TNKS: variants seen among roughly 807,000 people sequenced by gnomAD.
TNKS encodes poly [ADP-ribose] polymerase tankyrase-1.
Under a neutral mutation model 135.8 loss-of-function variants are expected in TNKS, and 72 were observed. The ratio of observed to expected loss-of-function variants is 0.53; its 90% CI spans 0.44 to 0.64. The LOEUF is 0.64. Among genes scored for constraint, TNKS ranks in the 30% least tolerant of loss-of-function variants. TNKS has a pLI of 0.00. For synonymous variants in TNKS, 849 were observed against 649.3 expected (o/e 1.31, Z -4.68); for missense variants, 1,769 against 1,674.0 (o/e 1.06, Z -0.99).
intron 17 of TNKS, among the ~76,000 whole-genome samples, chr8:9,741,973 C>T (rs1334897761): frequency 1.3e-5 from 2 of 152,054 alleles, no homozygotes; most frequent in East Asian, 3.8e-4. Flanking sequence ...TTTATGGTAT[C>T]CTCTTTTTAT....
At chr8:9,740,675 A>G (rs1805896105) in intron 17 of TNKS, among the ~76,000 whole-genome samples, 1 of 152,176 alleles carries the variant, frequency 6.6e-6, no homozygotes, top group African/African-American at 2.4e-5. Flanking sequence ...TCTAAAGATG[A>G]GTAGTCTTTT....
At chr8:9,761,315 T>C (rs1585430915) in intron 20 of TNKS, among the ~76,000 whole-genome samples, 1 of 152,078 alleles carries the variant, frequency 6.6e-6, no homozygotes, top group African/African-American at 2.4e-5. Flanking sequence ...AAAAAGCAAA[T>C]CAAAGAGTAC....
At chr8:9,583,164 C>G (rs950637407) in intron 2 of TNKS, among the ~76,000 whole-genome samples, 2 of 71,720 alleles carry the variant, frequency 2.8e-5, no homozygotes, top group Admixed American at 2.5e-4. Context: ...GACTCTGTCT[C>G]AAAAAAAAAA....
intron 2 of TNKS, among the ~76,000 whole-genome samples, chr8:9,582,085 A>T (rs769626808): frequency 5.3e-5 from 8 of 152,200 alleles, no homozygotes; most frequent in Non-Finnish European, 8.8e-5. Flanking sequence ...GTTGCTATTA[A>T]AGTATGTATC....
At chr8:9,611,390 C>G (rs553198776) in intron 2 of TNKS, among the ~76,000 whole-genome samples, 2 of 152,148 alleles carry the variant, frequency 1.3e-5, no homozygotes, top group East Asian at 3.8e-4. Context: ...ATTTTGGGAA[C>G]TTTGCTTCAG....
intron 2 of TNKS, among the ~76,000 whole-genome samples, chr8:9,595,087 A>G (rs971441913): frequency 3.3e-5 from 5 of 150,112 alleles, no homozygotes; most frequent in African/African-American, 1.2e-4. Flanking sequence ...TCCCTTCTGC[A>G]TTTTTACCAT....
At chr8:9,653,111 G>A (rs145179432) in intron 3 of TNKS, among the ~76,000 whole-genome samples, 2 of 152,182 alleles carry the variant, frequency 1.3e-5, no homozygotes, top group Non-Finnish European at 2.9e-5. Flanking sequence ...TTAGGGGAAG[G>A]GAAGAAAGAT....
chr8:9,561,358 T>C (rs1797324851), intron 1 of TNKS, among the ~76,000 whole-genome samples: 1 of 152,190 alleles, frequency 6.6e-6, no homozygotes, highest in African/African-American at 2.4e-5. Context: ...CTCATACCCC[T>C]TATCTCAATC....
At chr8:9,684,078 A>G (rs966067453) in intron 5 of TNKS, among the ~76,000 whole-genome samples, 1 of 151,970 alleles carries the variant, frequency 6.6e-6, no homozygotes, top group Non-Finnish European at 1.5e-5. Context: ...ACATAGGGAC[A>G]TAGATGTTAT....
chr8:9,657,228 G>A (rs1801423829), intron 3 of TNKS, among the ~76,000 whole-genome samples: 1 of 124,258 alleles, frequency 8.0e-6, no homozygotes, highest in Admixed American at 7.8e-5. Context: ...CTCCCGGACG[G>A]GGCGGCTGGC....
chr8:9,679,630 G>A, intron 3 of TNKS: 1 of 266,646 alleles, frequency 3.8e-6, no homozygotes, highest in Admixed American at 4.6e-5. Context: ...GAGAAAAGGG[G>A]GGAGGGGACA....
Position 9,687,948 on chromosome 8 carries a change from G to C in TNKS, c.1107+7148G>C, listed in dbSNP as rs182466599. ...GTAAACCGAACTTTACATTAGTAGAGTGGATTACAACTACAGCAGTAGCTG... is the reference window on the plus strand; with the variant it reads ...GTAAACCGAACTTTACATTAGTAGACTGGATTACAACTACAGCAGTAGCTG... On this transcript the variant is annotated intron_variant, in intron 5 of 26. Coordinates refer to ENST00000310430, the MANE Select transcript of TNKS (RefSeq NM_003747.3). Among the ~76,000 whole-genome samples, 9 of 152,312 alleles carry C rather than the reference G, an allele frequency of 5.9e-5. No individual in the cohort carries two copies. The East Asian group carries it at 1.7e-3, about 29-fold the overall frequency.
At position 9,717,103 on chromosome 8, in the gene TNKS, T is replaced by TATATTTA. The variant is rs1554476739; in HGVS notation, c.1750-3271_1750-3270insATATTTA. Among the ~76,000 whole-genome samples the TATATTTA allele has an allele frequency of 2.0e-4, 8 of 39,320 alleles. No individual in the cohort carries two copies. The South Asian group carries it at 2.5e-3, about 12-fold the overall frequency. 25.8% of individuals were successfully genotyped at this position (39,320 alleles called of 152,430 possible). A position where few individuals can be genotyped will look rare whatever the true frequency, so the allele number is the denominator to read the frequency against. ...TATATATATATATATATATATATATTTTCAGGGAATTTGATTGTTTCTTTT... is the reference window on the plus strand; with the variant it reads ...TATATATATATATATATATATATATTATATTTATTCAGGGAATTTGATTGTTTCTTTT... On this transcript the variant is annotated intron_variant, in intron 11 of 26. Transcript: ENST00000310430.
In TNKS at chr8:9,735,365, T is replaced by A. The variant is rs1211776109; in HGVS notation, c.2534-12T>A. On this transcript the variant is annotated splice_polypyrimidine_tract_variant and intron_variant, in intron 16 of 26. Coordinates refer to ENST00000310430, the MANE Select transcript of TNKS (RefSeq NM_003747.3). ...GCTGACACGTTTCCTGTATTTTTTT[T>A]ACTCTAAATAGCAGGCTATAATAAC... 1 of 1,607,572 alleles carries A rather than the reference T, an allele frequency of 6.2e-7. No homozygotes were observed. The highest frequency in any genetic ancestry group is 8.5e-7 in the Non-Finnish European group (1 of 1,175,020).
intron 2 of TNKS, 97 bp from the exon 3 acceptor site, chr8:9,615,485 A>G (rs1198389686): frequency 1.3e-5 from 11 of 877,772 alleles, no homozygotes; most frequent in Non-Finnish European, 1.8e-5. Context: ...AATTTGTGCA[A>G]TGTATGTTTA....
intron 3 of TNKS, among the ~76,000 whole-genome samples, chr8:9,658,817 A>G (rs1038345703): frequency 3.9e-5 from 6 of 152,230 alleles, no homozygotes. Flanking sequence ...AAGACCCATC[A>G]GTGTGCTGTA....
Position 9,576,714 on chromosome 8 carries a change from A to G in TNKS, c.674-3445A>G, listed in dbSNP as rs144405851. Among the ~76,000 whole-genome samples, 296 of 152,184 alleles carry G rather than the reference A, an allele frequency of 1.9e-3. 1 individual carries two copies. The highest frequency in any genetic ancestry group is 6.9e-3 in the African/African-American group (286 of 41,524). ...TTCAACACATGGGGATTCCAATTCA[A>G]CATGAGATTTGGGTGGGGACACAGA... On this transcript the variant is annotated intron_variant, in intron 1 of 26. Coordinates refer to ENST00000310430, the MANE Select transcript of TNKS (RefSeq NM_003747.3).
Position 9,779,403 on chromosome 8 carries a change from CCT to C in TNKS, c.*2670_*2671del, listed in dbSNP as rs1808370014. The C allele has an allele frequency of 2.0e-5, 3 of 152,142 alleles. No homozygotes were observed. Among genetic ancestry groups the C allele is most frequent in the African/African-American group, 4.8e-5 (2 of 41,392 alleles). The allele number at this position is 152,142 out of a possible 1,614,324, so 9.4% of individuals were successfully genotyped here. Reference sequence around the variant, plus strand: ...CAATATGGCCTACCCCGAAATGGCCCCTCTGTTTCCCTAACCACATGGAAGAA... The same window carrying C: ...CAATATGGCCTACCCCGAAATGGCCCCTGTTTCCCTAACCACATGGAAGAA... On this transcript the variant is annotated 3_prime_UTR_variant, in exon 27 of 27. Transcript: ENST00000310430.
At chr8:9,638,806 A>T (rs1261846424) in intron 3 of TNKS, among the ~76,000 whole-genome samples, 1 of 152,192 alleles carries the variant, frequency 6.6e-6, no homozygotes, top group Non-Finnish European at 1.5e-5. Context: ...TATCTTATTT[A>T]TAATGGAAAA....
Sources: allele counts gnomAD v4.1 joint callset (sites outside exome capture counted in the v4.1 genomes callset), GRCh38; gene constraint gnomAD v4.1.1; transcripts MANE v1.5; gene names NCBI Gene and HGNC (gene_info 2026-07-23, HGNC 2026-07-21).